The following AKR1A1 variants were observed in gnomAD, a reference collection of about 807,000 sequenced individuals.
The protein encoded by AKR1A1 is HEL-S-165mP.
A neutral mutation model predicts 39.2 loss-of-function variants in AKR1A1; 26 were observed. That is an observed-to-expected ratio of 0.66 (90% confidence interval 0.49 to 0.92). The LOEUF is 0.92. AKR1A1 is among the 40% of genes least tolerant of loss of function. The pLI, the probability that AKR1A1 is intolerant of heterozygous loss-of-function variation, is 0.00. For missense variants in AKR1A1, 378 were observed against 406.5 expected (o/e 0.93, Z 0.60); for synonymous variants, 141 against 155.5 (o/e 0.91, Z 0.69).
chr1:45,557,831 T>C (rs745369835), intron 1 of AKR1A1, among the ~76,000 whole-genome samples: 1 of 152,068 alleles, frequency 6.6e-6, no homozygotes, highest in African/African-American at 2.4e-5. Flanking sequence ...AAAACCAACT[T>C]AAACTAGACT....
At chr1:45,567,910 G>A in intron 4 of AKR1A1, 72 bp from the exon 5 acceptor site, 1 of 1,408,698 alleles carries the variant, frequency 7.1e-7, no homozygotes, top group Non-Finnish European at 9.6e-7. Flanking sequence ...GGGACATAGA[G>A]TGGCTGGATG....
intron 2 of AKR1A1, 48 bp from the exon 3 acceptor site, chr1:45,566,521 A>G: frequency 1.2e-6 from 2 of 1,609,790 alleles, no homozygotes; most frequent in African/African-American, 1.3e-5. Context: ...GTGACAGTAG[A>G]AGGCTGAAAC....
At position 45,566,875 on chromosome 1, in the gene AKR1A1, C is replaced by A. The variant is rs752249901; in HGVS notation, c.211C>A (p.Pro71Thr). Residue 71 changes from proline (P) to threonine (T), a missense_variant, in exon 4 of 9, where the codon CCT becomes ACT. Physicochemically the swap from Pro to Thr is conservative, Grantham distance 38. Transcript: ENST00000351829. ...KEDVGPGKAV[P>T]REELFVTSKL... ...GCCCTGCCCCCTGCACTAGGCGGTG[C>A]CTCGGGAGGAGCTGTTTGTGACATC... 2 of 1,613,760 alleles carry A rather than the reference C, an allele frequency of 1.2e-6. No individual in the cohort carries two copies. Among genetic ancestry groups the A allele is most frequent in the African/African-American group, 2.7e-5 (2 of 74,938 alleles).
chr1:45,553,294 C>T (rs1453664390), intron 1 of AKR1A1, among the ~76,000 whole-genome samples: 3 of 151,436 alleles, frequency 2.0e-5, no homozygotes, highest in South Asian at 2.1e-4. Flanking sequence ...TGGTGGCATG[C>T]GCCTGTAGTC....
At chr1:45,562,330 ATTTTT>A (rs957556536) in intron 2 of AKR1A1, among the ~76,000 whole-genome samples, 2 of 132,248 alleles carry the variant, frequency 1.5e-5, no homozygotes, top group African/African-American at 5.7e-5. Context: ...AGGTCAGCAA[ATTTTT>A]TTTTTTTTTT....
chr1:45,555,317 G>A (rs1644187315), intron 1 of AKR1A1, among the ~76,000 whole-genome samples: 1 of 152,114 alleles, frequency 6.6e-6, no homozygotes, highest in Non-Finnish European at 1.5e-5. Flanking sequence ...GAGAAACCCT[G>A]TCTCTACTAA....
In AKR1A1 at chr1:45,568,114, C is replaced by A. The variant is rs1490827702; in HGVS notation, c.489C>A (p.Asn163Lys). Reference protein sequence around the residue: ...KGLVQALGLSNFNSRQIDDIL... With the variant: ...KGLVQALGLSKFNSRQIDDIL... ...TGGTGCAGGCGCTGGGCCTGTCCAA[C>A]TTCAACAGTCGGCAGATTGATGACA... The change falls in exon 5 of 9, where the codon AAC becomes AAA. Residue 163 changes from asparagine to lysine, a missense_variant. By Grantham distance (94) the Asn-to-Lys change is moderately conservative. Transcript: ENST00000351829. The A allele has an allele frequency of 3.1e-6, 5 of 1,614,120 alleles. No homozygotes were observed. The highest frequency in any genetic ancestry group is 1.7e-5 in the Admixed American group (1 of 59,998).
intron 1 of AKR1A1, among the ~76,000 whole-genome samples, chr1:45,558,395 ATTTT>A (rs35421063): frequency 2.5e-5 from 3 of 119,102 alleles, no homozygotes; most frequent in African/African-American, 3.3e-5. Flanking sequence ...CGCCCAGCTA[ATTTT>A]TTTTTTTTTT....
chr1:45,569,418 A>G (rs1557638585), intron 8 of AKR1A1, among the ~76,000 whole-genome samples, 189 bp downstream of exon 8: 1 of 152,172 alleles, frequency 6.6e-6, no homozygotes, highest in Non-Finnish European at 1.5e-5. Flanking sequence ...GGGATAAGGC[A>G]TATAACCTGT....
At position 45,566,700 on chromosome 1, in the gene AKR1A1, G is replaced by A. The variant is rs755022152; in HGVS notation, c.204+12G>A. The A allele has an allele frequency of 2.5e-6, 4 of 1,613,826 alleles. No individual in the cohort carries two copies. The highest frequency in any genetic ancestry group is 2.7e-5 in the African/African-American group (2 of 74,940). On this transcript the variant is annotated intron_variant, in intron 3 of 8. Coordinates refer to ENST00000351829, the MANE Select transcript of AKR1A1 (RefSeq NM_153326.3). The stretch of plus-strand genomic sequence containing the variant: ...TGGGACCAGGCAAGGTAAGGACTGG[G>A]GTTGTAAATAGAGGTGGGATAAGAG...
At position 45,551,926 on chromosome 1, in the gene AKR1A1, G is replaced by C. The variant is rs145170350; in HGVS notation, c.-7+771G>C. Among the ~76,000 whole-genome samples, 318 of 152,122 alleles carry C rather than the reference G, an allele frequency of 2.1e-3. 1 individual carries two copies. The highest frequency in any genetic ancestry group is 6.7e-3 in the African/African-American group (279 of 41,508). Reference sequence around the variant, plus strand: ...CCTTCCAGCTGGCCAAACTCAACCTGTCAAGATCTCTCCCCCATAAGCTGT... The same window carrying C: ...CCTTCCAGCTGGCCAAACTCAACCTCTCAAGATCTCTCCCCCATAAGCTGT... On this transcript the variant is annotated intron_variant, in intron 1 of 8. Transcript: ENST00000351829.
At chr1:45,567,456 A>C (rs1644357675) in intron 4 of AKR1A1, 1 of 164,916 alleles carries the variant, frequency 6.1e-6, no homozygotes, top group Admixed American at 6.0e-5. Flanking sequence ...GGAGATATCT[A>C]CGTCTAGGAA....
At position 45,569,959 on chromosome 1, in the gene AKR1A1, C is replaced by T; in HGVS notation, c.*3C>T. On this transcript the variant is annotated 3_prime_UTR_variant, in exon 9 of 9. Coordinates refer to ENST00000351829, the MANE Select transcript of AKR1A1 (RefSeq NM_153326.3). Reference sequence around the variant, plus strand: ...ACCCCTTTAATGACCCGTACTGAGACCACAGCTTCTTGGCCTCCCTTCCAG... The same window carrying T: ...ACCCCTTTAATGACCCGTACTGAGATCACAGCTTCTTGGCCTCCCTTCCAG... 6.2e-7 allele frequency: 1 copy of T among 1,613,910 alleles called. No individual in the cohort carries two copies. Among genetic ancestry groups the T allele is most frequent in the Non-Finnish European group, 8.5e-7 (1 of 1,179,784 alleles).
intron 1 of AKR1A1, among the ~76,000 whole-genome samples, chr1:45,554,863 A>C (rs980119321): frequency 6.6e-6 from 1 of 151,912 alleles, no homozygotes; most frequent in African/African-American, 2.4e-5. Flanking sequence ...GCTAATTTTC[A>C]TATTTTTTGT....
intron 1 of AKR1A1, among the ~76,000 whole-genome samples, chr1:45,553,016 T>C (rs1644151560): frequency 1.3e-5 from 2 of 151,424 alleles, no homozygotes; most frequent in South Asian, 4.2e-4. Flanking sequence ...TCCCAGCTAC[T>C]GGGGAGGCTG....
intron 2 of AKR1A1, among the ~76,000 whole-genome samples, chr1:45,562,348 T>C (rs990300822): frequency 3.3e-5 from 5 of 149,594 alleles, no homozygotes; most frequent in Admixed American, 3.3e-4. Context: ...TTTTTTTTTT[T>C]TTTTTTTACT....
chr1:45,554,166 C>T (rs1270902428), intron 1 of AKR1A1, among the ~76,000 whole-genome samples: 1 of 152,082 alleles, frequency 6.6e-6, no homozygotes, highest in African/African-American at 2.4e-5. Context: ...GTGGCTCACA[C>T]TTATAATCCC....
intron 2 of AKR1A1, among the ~76,000 whole-genome samples, chr1:45,564,837 T>G (rs1167998711): frequency 6.6e-6 from 1 of 151,694 alleles, no homozygotes; most frequent in Non-Finnish European, 1.5e-5. Flanking sequence ...TTAATTTTAT[T>G]TTTGAGATGG....
At chr1:45,560,963 G>A (rs1028763121) in intron 1 of AKR1A1, among the ~76,000 whole-genome samples, 4 of 152,098 alleles carry the variant, frequency 2.6e-5, no homozygotes, top group East Asian at 1.9e-4. Context: ...TCCTGACCTC[G>A]TGATCCACCC....
Sources: gnomAD v4.1 joint callset for allele counts (sites outside exome capture counted in the v4.1 genomes callset) on GRCh38, gnomAD v4.1.1 for gene constraint, MANE v1.5 for transcripts, NCBI Gene and HGNC (gene_info 2026-07-23, HGNC 2026-07-21) for gene names.